DYNC1LI2: variants seen among roughly 807,000 people sequenced by gnomAD.
The protein encoded by DYNC1LI2 is cytoplasmic dynein 1 light intermediate chain 2.
DYNC1LI2 carries 19 observed loss-of-function variants against 57.8 expected under a neutral mutation model. The observed-to-expected ratio is 0.33, with a 90% confidence interval of 0.23 to 0.48. The LOEUF (loss-of-function observed/expected upper bound fraction) is 0.48. DYNC1LI2 is among the 20% of genes least tolerant of loss of function. DYNC1LI2 has a pLI of 0.99. For missense variants in DYNC1LI2, 470 were observed against 604.2 expected (o/e 0.78, Z 2.33); for synonymous variants, 256 against 233.4 (o/e 1.10, Z -0.88).
At chr16:66,738,146 C>G (rs1366955396) in intron 4 of DYNC1LI2, 1 of 151,566 alleles carries the variant, frequency 6.6e-6, no homozygotes. Context: ...CTGAAATTAT[C>G]TGAGAGCTCT....
In DYNC1LI2 at chr16:66,742,574, G is replaced by T; in HGVS notation, c.393C>A (p.Thr131=). The T allele has an allele frequency of 6.2e-7, 1 of 1,614,196 alleles. No homozygotes were observed. Among genetic ancestry groups the T allele is most frequent in the South Asian group, 1.1e-5 (1 of 91,084 alleles). ...FAVSAESLPE[T]LVIFVADMSR... The stretch of plus-strand genomic sequence containing the variant: ...ACATGTCTGCAACAAAAATGACGAG[G>T]GTCTCTGGCAAGGATTCAGCAGAAA... Residue 131 remains threonine (T), a synonymous_variant, in exon 4 of 13, where the codon ACC becomes ACA. Transcript: ENST00000258198.
intron 6 of DYNC1LI2, chr16:66,733,504 G>A (rs1210885123): frequency 2.0e-5 from 3 of 152,298 alleles, no homozygotes; most frequent in Non-Finnish European, 4.4e-5. Context: ...AGGAGTTCGA[G>A]ACTAGCCTGG....
intron 5 of DYNC1LI2, among the ~76,000 whole-genome samples, chr16:66,734,997 C>CAAA (rs377398071): frequency 0.12 from 4,609 of 38,376 alleles, 836 homozygotes; most frequent in African/African-American, 0.26. Flanking sequence ...AACTCCGTCT[C>CAAA]AAAAAAAAAA....
At chr16:66,737,314 A>G (rs2017751852) in intron 4 of DYNC1LI2, among the ~76,000 whole-genome samples, 1 of 151,896 alleles carries the variant, frequency 6.6e-6, no homozygotes, top group African/African-American at 2.4e-5. Context: ...ACAAACAAAA[A>G]ACAACAAGCT....
intron 12 of DYNC1LI2, 76 bp downstream of exon 12, chr16:66,725,752 G>T: frequency 6.9e-7 from 1 of 1,439,470 alleles, no homozygotes. Flanking sequence ...AGGGTCTGCA[G>T]GGCAGGTGTC....
At chr16:66,737,487 T>G (rs2017755047) in intron 4 of DYNC1LI2, among the ~76,000 whole-genome samples, 1 of 93,574 alleles carries the variant, frequency 1.1e-5, no homozygotes, top group African/African-American at 7.2e-5. Flanking sequence ...CGAGACTCCG[T>G]CTCAAAAAAA....
At chr16:66,741,550 C>T (rs2144997766) in intron 4 of DYNC1LI2, among the ~76,000 whole-genome samples, 1 of 152,280 alleles carries the variant, frequency 6.6e-6, no homozygotes, top group East Asian at 1.9e-4. Context: ...AATTTCTGAA[C>T]CATTCTGCCA....
At position 66,751,515 on chromosome 16, in the gene DYNC1LI2, G is replaced by A. The variant is rs986510486; in HGVS notation, c.77C>T (p.Thr26Ile). The change falls in exon 1 of 13, where the codon ACC becomes ATC. Residue 26 changes from threonine (T) to isoleucine (I), a missense_variant. Transcript: ENST00000258198. The surrounding 1 kb of genome is among the most constrained non-coding windows in gnomAD (Gnocchi z 5.2). ...GCTCTGGCCTTCCTCCTCCTCACTG[G>A]TCAGGTCGCCGGCGGCCGCCACCGC... ...GPAVAAAGDL[T>I]SEEEEGQSLW... The A allele has an allele frequency of 6.3e-7, 1 of 1,589,032 alleles. No individual in the cohort carries two copies. Among genetic ancestry groups the A allele is most frequent in the Non-Finnish European group, 8.5e-7 (1 of 1,170,090 alleles).
chr16:66,742,782 A>C (rs939325506), intron 3 of DYNC1LI2, 114 bp from the exon 4 acceptor site: 1 of 1,259,582 alleles, frequency 7.9e-7, no homozygotes, highest in Non-Finnish European at 1.1e-6. Context: ...TTCTAAATAG[A>C]ATGCAAAATT....
At chr16:66,747,313 T>TGATCTGCCTGCCTCAGAC (rs1200121555) in intron 3 of DYNC1LI2, among the ~76,000 whole-genome samples, 1 of 151,784 alleles carries the variant, frequency 6.6e-6, no homozygotes, top group Non-Finnish European at 1.5e-5. Flanking sequence ...GGACCTCAGG[T>TGATCTGCCTGCCTCAGAC]GATCTGCCTG....
intron 4 of DYNC1LI2, among the ~76,000 whole-genome samples, chr16:66,737,490 CAAA>C (rs754336347): frequency 1.7e-5 from 1 of 57,998 alleles, no homozygotes; most frequent in African/African-American, 5.1e-5. Context: ...GACTCCGTCT[CAAA>C]AAAAAAAAAA....
chr16:66,727,844 C>T lies in DYNC1LI2; in HGVS notation c.1144-39G>A, dbSNP rs146415268. The T allele has an allele frequency of 7.1e-5, 110 of 1,544,522 alleles. No homozygotes were observed. In the Admixed American group the frequency reaches 1.0e-3, roughly 14 times the overall value. On this transcript the variant is annotated intron_variant, in intron 10 of 12. Transcript: ENST00000258198. ...CAGCTAAGGTCACACACAGGCATAA[C>T]AATAACAAAAAATACATATGCCACA...
intron 12 of DYNC1LI2, 87 bp downstream of exon 12, chr16:66,725,741 C>A: frequency 7.5e-7 from 1 of 1,337,138 alleles, no homozygotes; most frequent in East Asian, 2.3e-5. Flanking sequence ...CAGGACACTG[C>A]AGGGTCTGCA....
intron 7 of DYNC1LI2, chr16:66,731,813 C>G (rs763363692): frequency 2.6e-5 from 4 of 152,580 alleles, no homozygotes; most frequent in Non-Finnish European, 5.9e-5. Context: ...CACTATGATT[C>G]TCCAGTGAGA....
intron 12 of DYNC1LI2, among the ~76,000 whole-genome samples, chr16:66,724,309 T>C (rs1173566414): frequency 6.6e-6 from 1 of 152,154 alleles, no homozygotes; most frequent in Non-Finnish European, 1.5e-5. Context: ...CTGCACAAAA[T>C]CTATACTTGT....
chr16:66,735,458 A>G (rs1454227870), intron 5 of DYNC1LI2, among the ~76,000 whole-genome samples: 8 of 151,940 alleles, frequency 5.3e-5, no homozygotes, highest in African/African-American at 1.9e-4. Flanking sequence ...AGTTTGGACC[A>G]CATCAGCTGA....
At chr16:66,724,215 G>A (rs2017498348) in intron 12 of DYNC1LI2, among the ~76,000 whole-genome samples, 1 of 152,154 alleles carries the variant, frequency 6.6e-6, no homozygotes, top group African/African-American at 2.4e-5. Flanking sequence ...CCCCAGATAG[G>A]TGTTTTTGTT....
Position 66,736,242 on chromosome 16 carries a change from C to A in DYNC1LI2, c.532G>T (p.Val178Leu). The stretch of plus-strand genomic sequence containing the variant: ...TCCATATAGTCTTGAAAATCTTTCA[C>A]AACTGGGGGAAAAAGAGGAAAAAAA... The part of the protein sequence containing the change: ...EKMRELERKF[V>L]KDFQDYMEPE... The change falls in exon 5 of 13, where the codon GTG (valine) becomes TTG (leucine). Residue 178 changes from valine to leucine, a missense_variant and splice_region_variant. Transcript: ENST00000258198. 3.1e-6 allele frequency: 5 copies of A among 1,610,172 alleles called. No homozygotes were observed. The highest frequency in any genetic ancestry group is 1.7e-5 in the Admixed American group (1 of 59,396).
At chr16:66,747,924 T>C (rs1021661232) in intron 3 of DYNC1LI2, among the ~76,000 whole-genome samples, 2 of 152,224 alleles carry the variant, frequency 1.3e-5, no homozygotes, top group East Asian at 1.9e-4. Flanking sequence ...CAGATAACTT[T>C]TCTACCAAAA....
Sources: gnomAD v4.1 joint callset for allele counts (sites outside exome capture counted in the v4.1 genomes callset) on GRCh38, gnomAD v4.1.1 for gene constraint, Gnocchi (gnomAD v3.1) non-coding constraint, MANE v1.5 for transcripts, NCBI Gene and HGNC (gene_info 2026-07-23, HGNC 2026-07-21) for gene names.